GSK3B: variants seen among roughly 807,000 people sequenced by gnomAD.
GSK3B encodes glycogen synthase kinase-3 beta.
GSK3B carries 15 observed loss-of-function variants against 56.4 expected under a neutral mutation model. The observed-to-expected ratio is 0.27, with a 90% CI of 0.18 to 0.41. The LOEUF (loss-of-function observed/expected upper bound fraction) is 0.41. GSK3B is among the 10% of genes least tolerant of loss of function. GSK3B has a pLI of 1.00. For synonymous variants in GSK3B, 181 were observed against 188.9 expected, an observed-to-expected ratio of 0.96 and a Z score of 0.34; for missense variants, 300 against 513.4, an observed-to-expected ratio of 0.58 and a Z score of 4.02.
Position 119,836,325 on chromosome 3 carries a change from G to A in GSK3B, c.1195+6930C>T, listed in dbSNP as rs1042343361. ...AAGACAAGTTAAGCCTGCAGACCACGTAAAATGACAGACCTCATCCAAATG... is the reference window on the plus strand; with the variant it reads ...AAGACAAGTTAAGCCTGCAGACCACATAAAATGACAGACCTCATCCAAATG... On this transcript the variant is annotated intron_variant, in intron 10 of 10. Coordinates refer to ENST00000264235, the MANE Select transcript of GSK3B (RefSeq NM_001146156.2). 5.9e-5 allele frequency among the ~76,000 whole-genome samples: 9 copies of A among 152,228 alleles called. No homozygotes were observed. The East Asian group carries it at 1.5e-3, about 26-fold the overall frequency.
At chr3:119,887,178 G>C (rs1458415338) in intron 7 of GSK3B, among the ~76,000 whole-genome samples, 3 of 152,042 alleles carry the variant, frequency 2.0e-5, no homozygotes, top group Admixed American at 2.0e-4. Context: ...GCCATGCAAA[G>C]GCTTGCATGG....
intron 1 of GSK3B, among the ~76,000 whole-genome samples, chr3:120,035,265 T>C (rs1028886809): frequency 1.3e-5 from 2 of 151,978 alleles, no homozygotes; most frequent in African/African-American, 2.4e-5. Flanking sequence ...AGCCAAGAAA[T>C]GTCAGGGATT....
intron 2 of GSK3B, among the ~76,000 whole-genome samples, chr3:119,955,898 C>T (rs867915658): frequency 9.2e-5 from 14 of 152,266 alleles, no homozygotes; most frequent in Middle Eastern, 3.4e-3. Context: ...GGTGATCCGC[C>T]TACCTCGGCC....
chr3:120,094,360 C>T lies in GSK3B; in HGVS notation c.-926G>A, dbSNP rs200264730. 168 of 301,416 alleles carry T rather than the reference C, an allele frequency of 5.6e-4. 3 individuals are homozygous for T. In the South Asian group the frequency reaches 7.8e-3, roughly 14 times the overall value. The allele number at this position is 301,416 out of a possible 1,614,324, so 18.7% of individuals were successfully genotyped here. On this transcript the variant is annotated 5_prime_UTR_variant, in exon 1 of 11. Coordinates refer to ENST00000264235, the MANE Select transcript of GSK3B (RefSeq NM_001146156.2). ...TGCGGGGCCGGCTCCTCCTCGCTTC[C>T]TTCCTTCCTTTGTCACTTGGCCCGG...
intron 3 of GSK3B, among the ~76,000 whole-genome samples, chr3:119,944,650 T>G (rs754456005): frequency 6.6e-6 from 1 of 152,100 alleles, no homozygotes; most frequent in African/African-American, 2.4e-5. Context: ...TTATCCTACT[T>G]TGTCAATGTC....
chr3:120,047,312 T>C (rs2058111924), intron 1 of GSK3B, among the ~76,000 whole-genome samples: 2 of 152,206 alleles, frequency 1.3e-5, no homozygotes. Context: ...GTTAAGAATC[T>C]GAGATAACTA....
At chr3:119,933,003 CA>C (rs1423596887) in intron 3 of GSK3B, among the ~76,000 whole-genome samples, 1 of 152,110 alleles carries the variant, frequency 6.6e-6, no homozygotes, top group Non-Finnish European at 1.5e-5. Flanking sequence ...GAGGCTGAGG[CA>C]GGAGAATTGC....
In GSK3B at chr3:119,823,919, TA is replaced by T. The variant is rs1012317237; in HGVS notation, c.*2868del. ...AATTAAAATTTAAAAAAGAACAAAT[TA>T]AAAAAAAAAACACATGGAAGCGAAG... is the stretch of plus-strand genomic sequence containing the variant. On this transcript the variant is annotated 3_prime_UTR_variant, in exon 11 of 11. Coordinates refer to ENST00000264235, the MANE Select transcript of GSK3B (RefSeq NM_001146156.2). The T allele has an allele frequency of 1.9e-3, 333 of 176,116 alleles. 1 individual carries two copies. The highest frequency in any genetic ancestry group is 7.8e-3 in the Middle Eastern group (4 of 514). The allele number at this position is 176,116 out of a possible 1,614,324, so 10.9% of individuals were successfully genotyped here.
chr3:120,093,815 G>A lies in GSK3B; in HGVS notation c.-381C>T, dbSNP rs1282170618. 1 of 230,556 alleles carries A rather than the reference G, an allele frequency of 4.3e-6. No homozygotes were observed. The highest frequency in any genetic ancestry group is 8.6e-6 in the Non-Finnish European group (1 of 116,176). The allele number at this position is 230,556 out of a possible 1,614,324, so 14.3% of individuals were successfully genotyped here. On this transcript the variant is annotated 5_prime_UTR_variant, in exon 1 of 11. Coordinates refer to ENST00000264235, the MANE Select transcript of GSK3B (RefSeq NM_001146156.2). The stretch of plus-strand genomic sequence containing the variant: ...TACTTCGAATATTATATTTTCCTCG[G>A]GGATTTTTTTTCCGAGTCAATGAAG...
At chr3:120,027,151 G>C (rs2057935383) in intron 1 of GSK3B, among the ~76,000 whole-genome samples, 1 of 151,202 alleles carries the variant, frequency 6.6e-6, no homozygotes, top group African/African-American at 2.4e-5. Flanking sequence ...AAGACAGGCA[G>C]ACCACTTGAA....
intron 1 of GSK3B, among the ~76,000 whole-genome samples, chr3:120,052,962 CG>C (rs1415992388): frequency 1.3e-5 from 2 of 152,112 alleles, no homozygotes; most frequent in African/African-American, 2.4e-5. Flanking sequence ...GGTCAGAGTT[CG>C]TAAGTGTTAG....
chr3:119,986,677 G>A (rs922735194), intron 2 of GSK3B, among the ~76,000 whole-genome samples: 1 of 152,126 alleles, frequency 6.6e-6, no homozygotes, highest in Non-Finnish European at 1.5e-5. Context: ...AAAAAGTCAG[G>A]AAACAACAGA....
rs539560020 is a variant in GSK3B, at chr3:119,909,061, C to T, written c.716-3209G>A. Among the ~76,000 whole-genome samples the T allele has an allele frequency of 4.3e-4, 66 of 152,242 alleles. 1 individual carries two copies. Among genetic ancestry groups the T allele is most frequent in the Middle Eastern group, 3.4e-3 (1 of 294 alleles). On this transcript the variant is annotated intron_variant, in intron 6 of 10. Transcript: ENST00000264235. ...GAGAGGGGGGGTCTCATTCTGTCAC[C>T]GAGCTGGAGTGCAGTGGTGGAGTCT...
At chr3:120,015,376 C>T (rs924942200) in intron 1 of GSK3B, among the ~76,000 whole-genome samples, 3 of 152,200 alleles carry the variant, frequency 2.0e-5, no homozygotes, top group South Asian at 2.1e-4. Flanking sequence ...ATTGGCCAGG[C>T]GCAGTGGCTC....
chr3:119,833,535 C>T (rs1210570972), intron 10 of GSK3B, among the ~76,000 whole-genome samples: 2 of 152,044 alleles, frequency 1.3e-5, no homozygotes, highest in East Asian at 3.8e-4. Flanking sequence ...TCCTTATTTG[C>T]TCTCAACACA....
At chr3:119,994,737 G>A (rs1412796731) in intron 2 of GSK3B, among the ~76,000 whole-genome samples, 2 of 152,078 alleles carry the variant, frequency 1.3e-5, no homozygotes, top group Admixed American at 1.3e-4. Context: ...TCAAAAACAT[G>A]AATGTCATGA....
In GSK3B at chr3:119,824,341, ACACACACACACG is replaced by A. The variant is rs1313582391; in HGVS notation, c.*2435_*2446del. ...ATCACACATCTCAGCACACACACACACACACACACACGCACACATGCACACACAATGAAATGA... is the reference window on the plus strand; with the variant it reads ...ATCACACATCTCAGCACACACACACACACACATGCACACACAATGAAATGA... On this transcript the variant is annotated 3_prime_UTR_variant, in exon 11 of 11. Transcript: ENST00000264235. The A allele has an allele frequency of 4.5e-6, 1 of 224,542 alleles. No homozygotes were observed. Among genetic ancestry groups the A allele is most frequent in the Non-Finnish European group, 8.9e-6 (1 of 112,610 alleles). 13.9% of individuals were successfully genotyped at this position (224,542 alleles called of 1,614,324 possible).
Position 119,870,264 on chromosome 3 carries a change from T to C in GSK3B, c.909+6149A>G, listed in dbSNP as rs139855802. Among the ~76,000 whole-genome samples, 69 of 152,330 alleles carry C rather than the reference T, an allele frequency of 4.5e-4. 2 individuals are homozygous for C. The highest frequency in any genetic ancestry group is 3.4e-3 in the Middle Eastern group (1 of 294). On this transcript the variant is annotated intron_variant, in intron 8 of 10. Coordinates refer to ENST00000264235, the MANE Select transcript of GSK3B (RefSeq NM_001146156.2). ...GCACAGAATTAAGTATACGGTTACA[T>C]AGTATCTCACATTATTCAATACTTG... is the stretch of plus-strand genomic sequence containing the variant.
In GSK3B at chr3:119,923,465, T is replaced by A; in HGVS notation, c.385A>T (p.Asn129Tyr). The change falls in exon 4 of 11, where the codon AAT becomes TAT. Residue 129 changes from asparagine to tyrosine, a missense_variant. Asn to Tyr is a moderately radical substitution (Grantham distance 143). Transcript: ENST00000264235. ...SGEKKDEVYL[N>Y]LVLDYVPETV... ...TCCGGAACATAGTCCAGCACCAGAT[T>A]AAGATAGACCTCATCTTTCTGAAAG... The A allele has an allele frequency of 1.3e-6, 2 of 1,580,584 alleles. No homozygotes were observed. Among genetic ancestry groups the A allele is most frequent in the Non-Finnish European group, 1.7e-6 (2 of 1,152,824 alleles).
Sources: gnomAD v4.1 joint callset for allele counts (sites outside exome capture counted in the v4.1 genomes callset) on GRCh38, gnomAD v4.1.1 for gene constraint, MANE v1.5 for transcripts, NCBI Gene and HGNC (gene_info 2026-07-23, HGNC 2026-07-21) for gene names.